The following SOBP variants were observed in gnomAD, a reference collection of about 807,000 sequenced individuals.
The protein encoded by SOBP is sine oculis-binding protein homolog.
SOBP carries 4 observed loss-of-function variants against 53.6 expected under a neutral mutation model. The ratio of observed to expected loss-of-function variants is 0.07; its 90% CI spans 0.04 to 0.17. The LOEUF (loss-of-function observed/expected upper bound fraction) is 0.17, where lower values mean the gene tolerates loss of function less well. Among genes scored for constraint, SOBP ranks in the 10% least tolerant of loss-of-function variants. The probability of loss-of-function intolerance (pLI) is 1.00; values close to 1 mark genes in which losing one functional copy is unlikely to be tolerated. For missense variants in SOBP, 1,088 were observed against 1,204.7 expected, an observed-to-expected ratio of 0.90 and a Z score of 1.43; for synonymous variants, 584 against 522.6, an observed-to-expected ratio of 1.12 and a Z score of -1.60.
chr6:107,598,316 G>A lies in SOBP; in HGVS notation c.669+11141G>A, dbSNP rs147590408. ...TGTGTGCAATAAGGAAGTAAAGGCC[G>A]TTTAATAGGGAAGAAATGATGGCCT... On this transcript the variant is annotated intron_variant, in intron 5 of 6. Transcript: ENST00000317357. Among the ~76,000 whole-genome samples the A allele has an allele frequency of 4.7e-3, 720 of 152,340 alleles. 6 individuals are homozygous for A. The highest frequency in any genetic ancestry group is 6.8e-3 in the Middle Eastern group (2 of 294).
intron 3 of SOBP, 110 bp from the exon 4 acceptor site, chr6:107,533,349 G>A (rs1583181961): frequency 1.0e-6 from 1 of 992,218 alleles, no homozygotes; most frequent in East Asian, 2.8e-5. Context: ...CTTCTCCAAG[G>A]TCCAGAAACT....
chr6:107,638,347 G>T (rs746452268), intron 6 of SOBP, among the ~76,000 whole-genome samples: 4 of 152,052 alleles, frequency 2.6e-5, no homozygotes, highest in Non-Finnish European at 5.9e-5. Flanking sequence ...AGTAGCTGGG[G>T]TTATAGCCAC....
chr6:107,498,906 A>T (rs1348606092), intron 1 of SOBP, among the ~76,000 whole-genome samples: 4 of 152,216 alleles, frequency 2.6e-5, no homozygotes, highest in Non-Finnish European at 5.9e-5. Context: ...GAAATTATGT[A>T]GTAGAAGTAC....
At chr6:107,549,142 C>G (rs1321929775) in intron 4 of SOBP, among the ~76,000 whole-genome samples, 1 of 151,988 alleles carries the variant, frequency 6.6e-6, no homozygotes, top group Non-Finnish European at 1.5e-5. Context: ...TGGCAGGTGC[C>G]TGTAGTCCCA....
At position 107,573,523 on chromosome 6, in the gene SOBP, C is replaced by A. The variant is rs1360542195; in HGVS notation, c.574-13557C>A. ...AAATTTCTGAAATGGATGTTGTGTA[C>A]CCCATTTTGCTGATGTTTAGGTTCT... On this transcript the variant is annotated intron_variant, in intron 4 of 6. Coordinates refer to ENST00000317357, the MANE Select transcript of SOBP (RefSeq NM_018013.4). Among the ~76,000 whole-genome samples, 4 of 152,126 alleles carry A rather than the reference C, an allele frequency of 2.6e-5. No individual in the cohort carries two copies. The East Asian group carries it at 7.7e-4, about 29-fold the overall frequency.
chr6:107,644,801 A>C (rs1771486046), intron 6 of SOBP, among the ~76,000 whole-genome samples: 1 of 152,246 alleles, frequency 6.6e-6, no homozygotes, highest in Non-Finnish European at 1.5e-5. Context: ...TTGAAAATTA[A>C]GGCCAAAGTG....
intron 3 of SOBP, among the ~76,000 whole-genome samples, chr6:107,508,681 A>G (rs1335327176): frequency 1.3e-5 from 2 of 152,200 alleles, no homozygotes; most frequent in African/African-American, 4.8e-5. Flanking sequence ...TCTACTAATT[A>G]CTAATGTAAT....
rs139499334 is a variant in SOBP at position 107,533,807 on chromosome 6, C to G, written c.573+197C>G. Among the ~76,000 whole-genome samples, 67 of 152,276 alleles carry G rather than the reference C, an allele frequency of 4.4e-4. 1 individual carries two copies. The highest frequency in any genetic ancestry group is 3.4e-3 in the Middle Eastern group (1 of 294). On this transcript the variant is annotated intron_variant, in intron 4 of 6. Transcript: ENST00000317357. ...TCCCCTTCTAATGTGTTTCTCTTGG[C>G]TTAGTGTTTGTGTTCTGAGAGGGTG...
At chr6:107,506,881 C>A (rs939311007) in intron 3 of SOBP, among the ~76,000 whole-genome samples, 13 of 151,908 alleles carry the variant, frequency 8.6e-5, no homozygotes, top group Admixed American at 6.6e-5. Flanking sequence ...CATGATGAAA[C>A]CCCATGTCTA....
chr6:107,641,581 A>G (rs1289479652), intron 6 of SOBP, among the ~76,000 whole-genome samples: 1 of 152,132 alleles, frequency 6.6e-6, no homozygotes, highest in Non-Finnish European at 1.5e-5. Flanking sequence ...CTAGCTCCCC[A>G]GTATGCCTCT....
At chr6:107,596,253 CATTGTTTA>C (rs1233882298) in intron 5 of SOBP, among the ~76,000 whole-genome samples, 2 of 151,730 alleles carry the variant, frequency 1.3e-5, no homozygotes, top group Non-Finnish European at 2.9e-5. Context: ...GATGACCTGT[CATTGTTTA>C]ATTGCCAGTG....
At chr6:107,590,085 C>A (rs918475218) in intron 5 of SOBP, among the ~76,000 whole-genome samples, 2 of 152,164 alleles carry the variant, frequency 1.3e-5, no homozygotes, top group African/African-American at 4.8e-5. Flanking sequence ...GAAGGCTTCT[C>A]ATTTCCTCTA....
intron 5 of SOBP, among the ~76,000 whole-genome samples, chr6:107,590,856 T>C (rs1785720244): frequency 6.6e-6 from 1 of 152,192 alleles, no homozygotes; most frequent in African/African-American, 2.4e-5. Flanking sequence ...CCTTAGGCAG[T>C]AGAAATACCC....
chr6:107,506,351 T>G lies in SOBP; in HGVS notation c.345T>G (p.Pro115=). ...LATGNGLSDS[P]AGSKDHGSVP... ...CTGGAAATGGACTCAGTGACTCACC[T>G]GCAGGGTCAAAGGATCATGGCAGTG... The change falls in exon 3 of 7, where the codon CCT becomes CCG. Residue 115 remains proline, a synonymous_variant. Transcript: ENST00000317357. 6.2e-7 allele frequency: 1 copy of G among 1,614,222 alleles called. No homozygotes were observed. The highest frequency in any genetic ancestry group is 8.5e-7 in the Non-Finnish European group (1 of 1,180,022).
rs551624705 is a variant in SOBP at position 107,659,137 on chromosome 6, C to T, written c.*934C>T. On this transcript the variant is annotated 3_prime_UTR_variant, in exon 7 of 7. Coordinates refer to ENST00000317357, the MANE Select transcript of SOBP (RefSeq NM_018013.4). Reference sequence around the variant, plus strand: ...GAAAGACTCAGATGAAATTTCAACCCTGATGGTTTTCGGTGATCCAGGAAG... The same window carrying T: ...GAAAGACTCAGATGAAATTTCAACCTTGATGGTTTTCGGTGATCCAGGAAG... The T allele has an allele frequency of 6.6e-5, 10 of 152,664 alleles. No homozygotes were observed. Among genetic ancestry groups the T allele is most frequent in the Admixed American group, 5.9e-4 (9 of 15,298 alleles). The allele number at this position is 152,664 out of a possible 1,614,324, so 9.5% of individuals were successfully genotyped here.
intron 4 of SOBP, among the ~76,000 whole-genome samples, chr6:107,536,865 T>C (rs544512210): frequency 6.6e-6 from 1 of 152,318 alleles, no homozygotes; most frequent in African/African-American, 2.4e-5. Flanking sequence ...ATATATTTTG[T>C]AGGGTCCTTA....
intron 3 of SOBP, chr6:107,514,783 C>T (rs1337113092): frequency 1.3e-5 from 2 of 152,074 alleles, no homozygotes; most frequent in Non-Finnish European, 2.9e-5. Context: ...TATTTTGTGA[C>T]TTGTATGGTT....
chr6:107,510,644 TC>T (rs1783143405), intron 3 of SOBP: 1 of 152,212 alleles, frequency 6.6e-6, no homozygotes, highest in Non-Finnish European at 1.5e-5. Flanking sequence ...ATCAAAAACT[TC>T]CATCTAGTGA....
At chr6:107,509,318 TGGGAGGTGGA>T (rs1356250485) in intron 3 of SOBP, among the ~76,000 whole-genome samples, 1 of 148,596 alleles carries the variant, frequency 6.7e-6, no homozygotes, top group Non-Finnish European at 1.5e-5. Context: ...CGCTTGAACC[TGGGAGGTGGA>T]GGTTGCGGTG....
Sources: allele counts gnomAD v4.1 joint callset (sites outside exome capture counted in the v4.1 genomes callset), GRCh38; gene constraint gnomAD v4.1.1; transcripts MANE v1.5; gene names NCBI Gene and HGNC (gene_info 2026-07-23, HGNC 2026-07-21).